KCNN2: variants seen among roughly 807,000 people sequenced by gnomAD.
The protein encoded by KCNN2 is potassium calcium-activated channel subfamily N member 2, also known as small conductance calcium-activated potassium channel protein 2.
Under a neutral mutation model 55.5 loss-of-function variants are expected in KCNN2, and 24 were observed. The ratio of observed to expected loss-of-function variants is 0.43; its 90% confidence interval spans 0.31 to 0.61. The LOEUF (loss-of-function observed/expected upper bound fraction) is 0.61. KCNN2 is among the 20% of genes least tolerant of loss of function. The probability of loss-of-function intolerance (pLI) is 0.08; values close to 1 mark genes in which losing one functional copy is unlikely to be tolerated. For missense variants in KCNN2, 754 were observed against 853.6 expected (o/e 0.88, Z 1.45); for synonymous variants, 431 against 336.1 (o/e 1.28, Z -3.09).
intron 5 of KCNN2, among the ~76,000 whole-genome samples, chr5:114,481,432 A>G (rs1762220179): frequency 6.6e-6 from 1 of 152,100 alleles, no homozygotes; most frequent in African/African-American, 2.4e-5. Flanking sequence ...ATGCTCATAG[A>G]TAACAATCAA....
chr5:114,220,281 C>T (rs1161664393), intron 1 of KCNN2, among the ~76,000 whole-genome samples: 1 of 151,982 alleles, frequency 6.6e-6, no homozygotes, highest in Non-Finnish European at 1.5e-5. Flanking sequence ...TAAACACCTC[C>T]TTCAACACTT....
At chr5:114,273,313 C>T (rs149575491) in intron 2 of KCNN2, among the ~76,000 whole-genome samples, 4,783 of 152,176 alleles carry the variant, frequency 0.031, 233 homozygotes, top group African/African-American at 0.11. Flanking sequence ...TCTTTGCTAT[C>T]GTGACTAATG....
At chr5:114,385,514 T>TGCGCGC (rs369914146) in intron 2 of KCNN2, among the ~76,000 whole-genome samples, 10 of 81,414 alleles carry the variant, frequency 1.2e-4, no homozygotes, top group Non-Finnish European at 2.0e-4. Context: ...CATACACACA[T>TGCGCGC]GCGCGCACAC....
chr5:114,433,297 A>G (rs544262800), intron 3 of KCNN2, among the ~76,000 whole-genome samples: 2 of 152,254 alleles, frequency 1.3e-5, no homozygotes, highest in Non-Finnish European at 2.9e-5. Flanking sequence ...TCGACACTGT[A>G]TCTAGCTACT....
intron 1 of KCNN2, among the ~76,000 whole-genome samples, chr5:114,188,152 G>A (rs1353541257): frequency 6.6e-6 from 1 of 152,138 alleles, no homozygotes; most frequent in Non-Finnish European, 1.5e-5. Context: ...TTCAAGTTTT[G>A]GACTTCATAC....
At chr5:114,433,286 A>G (rs936296618) in intron 3 of KCNN2, among the ~76,000 whole-genome samples, 17 of 152,236 alleles carry the variant, frequency 1.1e-4, no homozygotes, top group African/African-American at 2.9e-4. Flanking sequence ...GAATGCACCA[A>G]TCGACACTGT....
chr5:114,458,540 T>G (rs1031689494), intron 3 of KCNN2, among the ~76,000 whole-genome samples: 8 of 152,220 alleles, frequency 5.3e-5, no homozygotes, highest in Non-Finnish European at 8.8e-5. Context: ...CATTAATTAC[T>G]TCAAATATTA....
intron 4 of KCNN2, 121 bp downstream of exon 4, chr5:114,463,311 A>G (rs771086873): frequency 1.6e-5 from 11 of 708,030 alleles, no homozygotes; most frequent in Non-Finnish European, 2.5e-5. Context: ...AAATCAGTAT[A>G]AATAAATCAA....
chr5:114,247,202 C>CAAAAAAAAAAAAAAAAAAAAAA (rs370172975), intron 2 of KCNN2, among the ~76,000 whole-genome samples: 6 of 68,096 alleles, frequency 8.8e-5, no homozygotes, highest in African/African-American at 2.9e-4. Context: ...CATATGTCTC[C>CAAAAAAAAAAAAAAAAAAAAAA]AAAAAAAAAA....
At chr5:114,371,990 C>CGTTT (rs1285579108) in intron 2 of KCNN2, among the ~76,000 whole-genome samples, 1 of 152,152 alleles carries the variant, frequency 6.6e-6, no homozygotes, top group African/African-American at 2.4e-5. Context: ...CTCAGCTTTA[C>CGTTT]GTTTACTAAC....
chr5:114,147,358 G>A (rs913018832), intron 1 of KCNN2, among the ~76,000 whole-genome samples: 3 of 152,240 alleles, frequency 2.0e-5, no homozygotes, highest in Admixed American at 1.3e-4. Context: ...TTGACAAAGG[G>A]ACCACAATAA....
At chr5:114,414,097 G>T (rs183007836) in intron 3 of KCNN2, among the ~76,000 whole-genome samples, 2 of 152,066 alleles carry the variant, frequency 1.3e-5, no homozygotes, top group East Asian at 3.9e-4. Context: ...CTTCCTGCTG[G>T]ATTTTCTGCA....
At chr5:114,096,953 T>C (rs914406262) in intron 1 of KCNN2, among the ~76,000 whole-genome samples, 7 of 152,078 alleles carry the variant, frequency 4.6e-5, no homozygotes, top group Admixed American at 3.9e-4. Context: ...CTCCCTTATA[T>C]AGATGAGACA....
At chr5:114,292,318 G>A (rs1030930534) in intron 2 of KCNN2, among the ~76,000 whole-genome samples, 1 of 152,128 alleles carries the variant, frequency 6.6e-6, no homozygotes, top group Non-Finnish European at 1.5e-5. Flanking sequence ...GGTTTTTATG[G>A]GTTTAGGTCT....
chr5:114,241,954 A>G (rs1754652929), intron 2 of KCNN2, among the ~76,000 whole-genome samples: 1 of 150,258 alleles, frequency 6.7e-6, no homozygotes, highest in South Asian at 2.1e-4. Flanking sequence ...ACCATGAAGT[A>G]TGGAGATTTT....
chr5:114,466,395 C>T (rs1761453787), intron 4 of KCNN2, among the ~76,000 whole-genome samples: 1 of 151,948 alleles, frequency 6.6e-6, no homozygotes, highest in South Asian at 2.1e-4. Context: ...ACAGCACCAG[C>T]TAGTTTCTCA....
intron 2 of KCNN2, among the ~76,000 whole-genome samples, chr5:114,368,298 A>G (rs573790575): frequency 2.6e-5 from 4 of 152,282 alleles, no homozygotes; most frequent in East Asian, 1.9e-4. Flanking sequence ...AGAAGCAACA[A>G]TGTTTATTTG....
At chr5:114,227,460 C>A (rs893641870) in intron 2 of KCNN2, among the ~76,000 whole-genome samples, 1 of 152,166 alleles carries the variant, frequency 6.6e-6, no homozygotes, top group Non-Finnish European at 1.5e-5. Context: ...ACTCTTACCC[C>A]CTTCTGGCTT....
intron 2 of KCNN2, among the ~76,000 whole-genome samples, chr5:114,366,492 A>G (rs147978233): frequency 2.6e-4 from 39 of 152,306 alleles, no homozygotes; most frequent in Non-Finnish European, 4.6e-4. Flanking sequence ...CTTATCTGAG[A>G]TGCTTTTATT....
Sources: allele counts gnomAD v4.1 joint callset (sites outside exome capture counted in the v4.1 genomes callset), GRCh38; gene constraint gnomAD v4.1.1; transcripts MANE v1.5; gene names NCBI Gene and HGNC (gene_info 2026-07-23, HGNC 2026-07-21).